The following ORMDL1 variants were observed in gnomAD, a reference collection of about 807,000 sequenced individuals.
ORMDL1 encodes the protein ORMDL sphingolipid biosynthesis regulator 1.
Under a neutral mutation model 13.0 loss-of-function variants are expected in ORMDL1, and 10 were observed. That is an observed-to-expected ratio of 0.77 (90% CI 0.47 to 1.30). ORMDL1 has a LOEUF of 1.30. ORMDL1 is among the 50% of genes most tolerant of loss of function. The pLI, the probability that ORMDL1 is intolerant of heterozygous loss-of-function variation, is 0.00. For synonymous variants in ORMDL1, 61 were observed against 63.9 expected (o/e 0.95, Z 0.22); for missense variants, 171 against 186.7 (o/e 0.92, Z 0.49).
chr2:189,779,212 C>CA (rs2047767774), intron 3 of ORMDL1, among the ~76,000 whole-genome samples: 2 of 152,280 alleles, frequency 1.3e-5, no homozygotes, highest in South Asian at 4.2e-4. Flanking sequence ...CATGCTGGCT[C>CA]ATGCCTGTAA....
chr2:189,771,886 A>G lies in ORMDL1; in HGVS notation c.343T>C (p.Phe115Leu), dbSNP rs1164589051. Residue 115 changes from phenylalanine (F) to leucine (L), a missense_variant, in exon 5 of 5, where the codon TTC (phenylalanine) becomes CTC (leucine). By Grantham distance (22) the Phe-to-Leu change is conservative. Transcript: ENST00000392349. The part of the protein sequence containing the change: ...SPIILYFLAS[F>L]YTKYDPTHFI... Reference sequence around the variant, plus strand: ...TGAGTTGGATCATACTTCGTATAGAAACTTGCCAGAAAATATCTGTAGAGA... The same window carrying G: ...TGAGTTGGATCATACTTCGTATAGAGACTTGCCAGAAAATATCTGTAGAGA... The G allele has an allele frequency of 6.3e-7, 1 of 1,593,586 alleles. No homozygotes were observed. Among genetic ancestry groups the G allele is most frequent in the East Asian group, 2.3e-5 (1 of 44,384 alleles).
chr2:189,781,054 T>C (rs753380862), intron 3 of ORMDL1, among the ~76,000 whole-genome samples: 8 of 152,018 alleles, frequency 5.3e-5, no homozygotes, highest in South Asian at 2.1e-4. Context: ...GCTGGGACTA[T>C]AGATGTGCTG....
downstream of ORMDL1, among the ~76,000 whole-genome samples, chr2:189,769,013 G>T (rs1318889530): frequency 3.1e-4 from 47 of 152,238 alleles, no homozygotes; most frequent in African/African-American, 1.1e-3. Context: ...AGAATATACT[G>T]TCTTATAAGT....
chr2:189,770,067 G>C (rs908079142), downstream of ORMDL1, among the ~76,000 whole-genome samples: 1 of 152,154 alleles, frequency 6.6e-6, no homozygotes, highest in Non-Finnish European at 1.5e-5. Flanking sequence ...TCCTGTTACA[G>C]AGTGGGCCCT....
chr2:189,766,641 T>C (rs2047487034), downstream of ORMDL1, among the ~76,000 whole-genome samples: 1 of 152,104 alleles, frequency 6.6e-6, no homozygotes, highest in Non-Finnish European at 1.5e-5. Context: ...TGAGAATCAC[T>C]TGAACCTGGG....
At chr2:189,780,447 CA>C (rs1486435537) in intron 3 of ORMDL1, among the ~76,000 whole-genome samples, 2 of 152,134 alleles carry the variant, frequency 1.3e-5, no homozygotes, top group Non-Finnish European at 2.9e-5. Context: ...AGGGAGTAAT[CA>C]GGAATAAGAT....
rs371999153 is a variant in ORMDL1, at chr2:189,782,449, C to A, written c.147G>T (p.Trp49Cys). The change falls in exon 3 of 5, where the codon TGG (tryptophan) becomes TGT (cysteine). Residue 49 changes from tryptophan to cysteine, a missense_variant. Trp to Cys is a radical substitution (Grantham distance 215). Transcript: ENST00000392349. ...SIPFFSVPVA[W>C]TLTNIIHNLG... ...GATTATGTATAATATTTGTTAAAGT[C>A]CAAGCAACAGGAACACTGAAGAAGG... The A allele has an allele frequency of 8.1e-6, 13 of 1,613,688 alleles. No individual in the cohort carries two copies. In the African/African-American group the frequency reaches 1.3e-4, roughly 17 times the overall value.
chr2:189,766,166 CTT>C (rs2047480514), downstream of ORMDL1, among the ~76,000 whole-genome samples: 1 of 152,136 alleles, frequency 6.6e-6, no homozygotes, highest in African/African-American at 2.4e-5. Flanking sequence ...ACCAGTATCT[CTT>C]GATGTGGAAC....
chr2:189,782,262 A>G (rs2047862567), intron 3 of ORMDL1, among the ~76,000 whole-genome samples, 160 bp downstream of exon 3: 2 of 152,162 alleles, frequency 1.3e-5, no homozygotes, highest in South Asian at 2.1e-4. Context: ...TTGTTGTGCA[A>G]TCATCACCAT....
At chr2:189,766,439 A>T (rs2047484076), downstream of ORMDL1, among the ~76,000 whole-genome samples, 1 of 152,104 alleles carries the variant, frequency 6.6e-6, no homozygotes, top group South Asian at 2.1e-4. Context: ...TTAAACAATA[A>T]GCTCCCAGCC....
At chr2:189,781,879 A>G (rs1306345939) in intron 3 of ORMDL1, among the ~76,000 whole-genome samples, 2 of 152,212 alleles carry the variant, frequency 1.3e-5, no homozygotes, top group Non-Finnish European at 2.9e-5. Context: ...TATACAACAC[A>G]AAACCTTAAG....
In ORMDL1 at chr2:189,770,704, C is replaced by T. The variant is rs1283149966; in HGVS notation, c.*1063G>A. 1.3e-5 allele frequency: 2 copies of T among 152,082 alleles called. No individual in the cohort carries two copies. The highest frequency in any genetic ancestry group is 2.9e-5 in the Non-Finnish European group (2 of 68,024). The allele number at this position is 152,082 out of a possible 1,614,324, so 9.4% of individuals were successfully genotyped here. ...TTCAATGTGGTTGCTGTTCTGGAGA[C>T]AGTTACCATTTTGGGCTATATATAC... is the stretch of plus-strand genomic sequence containing the variant. On this transcript the variant is annotated 3_prime_UTR_variant, in exon 5 of 5. Transcript: ENST00000392349.
At chr2:189,775,521 C>T (rs1374863646) in intron 4 of ORMDL1, 44 bp downstream of exon 4, 2 of 1,504,856 alleles carry the variant, frequency 1.3e-6, no homozygotes, top group East Asian at 2.4e-5. Context: ...AGATATCTTC[C>T]TCTTATCCAA....
intron 3 of ORMDL1, among the ~76,000 whole-genome samples, chr2:189,780,605 G>GA: frequency 6.6e-6 from 1 of 152,178 alleles, no homozygotes. Flanking sequence ...AAGAGATGAA[G>GA]AAAAGAACCT....
downstream of ORMDL1, among the ~76,000 whole-genome samples, chr2:189,768,152 GGA>G (rs1200314097): frequency 6.6e-6 from 1 of 152,154 alleles, no homozygotes; most frequent in African/African-American, 2.4e-5. Context: ...ACACAACAAA[GGA>G]GAGTTTATCT....
At chr2:189,783,193 A>G (rs2352709) in intron 1 of ORMDL1, 70 bp from the exon 2 acceptor site, 131,144 of 152,184 alleles carry the variant, frequency 0.86, 57,403 homozygotes, top group East Asian at 0.94. Flanking sequence ...TTTGTGATTA[A>G]ACTAGGTGAA....
At position 189,778,326 on chromosome 2, in the gene ORMDL1, G is replaced by T. The variant is rs376519167; in HGVS notation, c.175-2610C>A. ...AGGAGAATCGCTTGAACCCAGGAGGGGGAGGTTGCAGTGAGCCAAGATCGT... is the reference window on the plus strand; with the variant it reads ...AGGAGAATCGCTTGAACCCAGGAGGTGGAGGTTGCAGTGAGCCAAGATCGT... On this transcript the variant is annotated intron_variant, in intron 3 of 4. Coordinates refer to ENST00000392349, the MANE Select transcript of ORMDL1 (RefSeq NM_016467.5). The T allele has an allele frequency of 3.8e-5, 17 of 441,960 alleles. No individual in the cohort carries two copies. The East Asian group carries it at 1.2e-3, about 31-fold the overall frequency. 27.4% of individuals were successfully genotyped at this position (441,960 alleles called of 1,614,324 possible).
intron 4 of ORMDL1, among the ~76,000 whole-genome samples, chr2:189,773,058 T>C (rs1326797529): frequency 6.6e-6 from 1 of 152,242 alleles, no homozygotes; most frequent in Non-Finnish European, 1.5e-5. Context: ...AGGACATCAC[T>C]TGCATTTAGC....
chr2:189,769,265 TA>T (rs1371470655), downstream of ORMDL1, among the ~76,000 whole-genome samples: 1 of 151,968 alleles, frequency 6.6e-6, no homozygotes, highest in Admixed American at 6.6e-5. Flanking sequence ...TGCACGCCCA[TA>T]ATCCCAGCTA....
Sources: gnomAD v4.1 joint callset for allele counts (sites outside exome capture counted in the v4.1 genomes callset) on GRCh38, gnomAD v4.1.1 for gene constraint, MANE v1.5 for transcripts, NCBI Gene and HGNC (gene_info 2026-07-23, HGNC 2026-07-21) for gene names.